IREB2: variants seen among roughly 807,000 people sequenced by gnomAD.
The protein encoded by IREB2 is iron responsive element binding protein 2.
IREB2 carries 39 observed loss-of-function variants against 118.8 expected under a neutral mutation model. The observed-to-expected ratio is 0.33, with a 90% CI of 0.25 to 0.43. IREB2 has a LOEUF of 0.43. IREB2 is among the 20% of genes least tolerant of loss of function. The pLI, the probability that IREB2 is intolerant of heterozygous loss-of-function variation, is 1.00. For missense variants in IREB2, 900 were observed against 1,147.3 expected, an observed-to-expected ratio of 0.78 and a Z score of 3.11; for synonymous variants, 372 against 392.2, an observed-to-expected ratio of 0.95 and a Z score of 0.61.
At position 78,498,179 on chromosome 15, in the gene IREB2, A is replaced by G; in HGVS notation, c.*36A>G. On this transcript the variant is annotated 3_prime_UTR_variant, in exon 22 of 22. Transcript: ENST00000258886. ...CCATAGATACCTTTCATAACTGGTA[A>G]CTGCAAAGCCTTTTGTGCTGGACCC... 1 of 1,195,948 alleles carries G rather than the reference A, an allele frequency of 8.4e-7. No individual in the cohort carries two copies. Among genetic ancestry groups the G allele is most frequent in the Non-Finnish European group, 1.2e-6 (1 of 800,194 alleles). The allele number at this position is 1,195,948 out of a possible 1,614,324, so 74.1% of individuals were successfully genotyped here.
At chr15:78,488,534 C>A in intron 15 of IREB2, 113 bp from the exon 16 acceptor site, 1 of 1,131,792 alleles carries the variant, frequency 8.8e-7, no homozygotes. Flanking sequence ...CCGCTTAAGC[C>A]TGAAGCACCC....
intron 2 of IREB2, among the ~76,000 whole-genome samples, chr15:78,457,426 C>T (rs1305544231): frequency 6.6e-6 from 1 of 152,074 alleles, no homozygotes; most frequent in Non-Finnish European, 1.5e-5. Flanking sequence ...CTACTAGATT[C>T]CTAAGAAAGG....
intron 17 of IREB2, 42 bp downstream of exon 17, chr15:78,490,568 A>G (rs780054814): frequency 2.5e-6 from 4 of 1,606,864 alleles, no homozygotes; most frequent in Non-Finnish European, 8.5e-7. Flanking sequence ...AGATTGTTAT[A>G]AACTAAGAAG....
Position 78,484,753 on chromosome 15 carries a change from T to G in IREB2, c.1414-8T>G, listed in dbSNP as rs1174085182. ...ATTTAGTTTATATTTTTGTGGAAATTTGTATAGGTTGGATTTAAAGGCTTC... is the reference window on the plus strand; with the variant it reads ...ATTTAGTTTATATTTTTGTGGAAATGTGTATAGGTTGGATTTAAAGGCTTC... On this transcript the variant is annotated splice_polypyrimidine_tract_variant and splice_region_variant and intron_variant, in intron 11 of 21. Transcript: ENST00000258886. 1 of 1,607,216 alleles carries G rather than the reference T, an allele frequency of 6.2e-7. No individual in the cohort carries two copies. Among genetic ancestry groups the G allele is most frequent in the Non-Finnish European group, 8.5e-7 (1 of 1,175,220 alleles).
At chr15:78,470,054 T>C (rs750536007) in intron 5 of IREB2, among the ~76,000 whole-genome samples, 3 of 152,200 alleles carry the variant, frequency 2.0e-5, no homozygotes, top group Non-Finnish European at 4.4e-5. Flanking sequence ...TGGTATGAGA[T>C]GAATGAAAGA....
chr15:78,463,602 G>T (rs1451784321), intron 3 of IREB2, among the ~76,000 whole-genome samples: 1 of 151,732 alleles, frequency 6.6e-6, no homozygotes, highest in Non-Finnish European at 1.5e-5. Flanking sequence ...GCACTGTTTT[G>T]TACCATTTAT....
chr15:78,451,399 G>C (rs534438397), intron 2 of IREB2, among the ~76,000 whole-genome samples: 31 of 151,052 alleles, frequency 2.1e-4, no homozygotes, highest in Non-Finnish European at 1.5e-5. Context: ...AATCATACAA[G>C]AGTTTTTCTG....
At chr15:78,465,685 T>C (rs772056083) in intron 4 of IREB2, among the ~76,000 whole-genome samples, 8 of 152,176 alleles carry the variant, frequency 5.3e-5, no homozygotes, top group Non-Finnish European at 1.2e-4. Context: ...CTACTTGTCT[T>C]TCAGAAAGAA....
rs772912943 is a variant in IREB2 at position 78,499,445 on chromosome 15, A to G, written c.*1302A>G. The G allele has an allele frequency of 2.0e-5, 3 of 152,226 alleles. No homozygotes were observed. Among genetic ancestry groups the G allele is most frequent in the African/African-American group, 4.8e-5 (2 of 41,466 alleles). The allele number at this position is 152,226 out of a possible 1,614,324, so 9.4% of individuals were successfully genotyped here. On this transcript the variant is annotated 3_prime_UTR_variant, in exon 22 of 22. Coordinates refer to ENST00000258886, the MANE Select transcript of IREB2 (RefSeq NM_004136.4). ...TTTTTTTTCACATAGATATCTTTCTATGACCTAGTTAGTTACTGCAATTCA... is the reference window on the plus strand; with the variant it reads ...TTTTTTTTCACATAGATATCTTTCTGTGACCTAGTTAGTTACTGCAATTCA...
chr15:78,464,396 C>A (rs2051246465), intron 3 of IREB2, among the ~76,000 whole-genome samples: 1 of 152,248 alleles, frequency 6.6e-6, no homozygotes, highest in South Asian at 2.1e-4. Flanking sequence ...CTTCACCCAC[C>A]CACTCAAATC....
At chr15:78,448,842 C>G (rs2050975371) in intron 2 of IREB2, among the ~76,000 whole-genome samples, 1 of 152,200 alleles carries the variant, frequency 6.6e-6, no homozygotes, top group Non-Finnish European at 1.5e-5. Flanking sequence ...GCTTCAGAGT[C>G]TTTCCCCCTT....
intron 20 of IREB2, among the ~76,000 whole-genome samples, chr15:78,496,885 C>G (rs549777571): frequency 6.6e-6 from 1 of 152,102 alleles, no homozygotes; most frequent in Non-Finnish European, 1.5e-5. Flanking sequence ...TGGTAGGCAG[C>G]GGCAGTACTT....
chr15:78,445,620 T>C lies in IREB2; in HGVS notation c.106+5739T>C, dbSNP rs535218854. 2.0e-5 allele frequency among the ~76,000 whole-genome samples: 3 copies of C among 152,324 alleles called. No individual in the cohort carries two copies. The South Asian group carries it at 6.2e-4, about 32-fold the overall frequency. On this transcript the variant is annotated intron_variant, in intron 2 of 21. Transcript: ENST00000258886. ...TAAAGGCTGCCTGGTTTCCTTATTT[T>C]CTGTTTCTTTTTGAATATCCAGTCT...
chr15:78,481,066 A>G (rs968740624), intron 10 of IREB2, among the ~76,000 whole-genome samples: 15 of 152,082 alleles, frequency 9.9e-5, no homozygotes, highest in Non-Finnish European at 2.1e-4. Context: ...CTGTAATTAC[A>G]ACCCTTTGGG....
At chr15:78,450,198 A>T (rs550303287) in intron 2 of IREB2, among the ~76,000 whole-genome samples, 10 of 152,348 alleles carry the variant, frequency 6.6e-5, no homozygotes, top group African/African-American at 2.2e-4. Flanking sequence ...GGGGACATAC[A>T]TGGAAAGTAT....
chr15:78,469,034 A>C (rs989430541), intron 5 of IREB2, among the ~76,000 whole-genome samples: 1 of 152,222 alleles, frequency 6.6e-6, no homozygotes, highest in African/African-American at 2.4e-5. Context: ...ATTTCTAAAA[A>C]TCCAATCTGC....
chr15:78,493,202 CAGAT>C (rs80240490), intron 18 of IREB2, among the ~76,000 whole-genome samples: 37,124 of 151,668 alleles, frequency 0.24, 4,692 homozygotes, highest in Admixed American at 0.35. Flanking sequence ...TTTATTGCAT[CAGAT>C]AGAGCACAAG....
intron 8 of IREB2, chr15:78,475,054 T>A: frequency 1.0e-5 from 1 of 96,650 alleles, no homozygotes. Flanking sequence ...AGAGCGAGAC[T>A]CTGTCTCAAA....
At chr15:78,482,269 T>C (rs1008496072) in intron 10 of IREB2, among the ~76,000 whole-genome samples, 7 of 152,056 alleles carry the variant, frequency 4.6e-5, no homozygotes, top group African/African-American at 1.7e-4. Context: ...ACAGTGTAAG[T>C]AGTTGGATCA....
Sources: gnomAD v4.1 joint callset for allele counts (sites outside exome capture counted in the v4.1 genomes callset) on GRCh38, gnomAD v4.1.1 for gene constraint, MANE v1.5 for transcripts, NCBI Gene and HGNC (gene_info 2026-07-23, HGNC 2026-07-21) for gene names.